Variants in FLNB observed in about 807,000 individuals in gnomAD.
FLNB encodes filamin B, also known as filamin-B.
A neutral mutation model predicts 250.6 loss-of-function variants in FLNB; 111 were observed. The ratio of observed to expected loss-of-function variants is 0.44; its 90% CI spans 0.38 to 0.52. FLNB has a LOEUF of 0.52. FLNB is among the 20% of genes least tolerant of loss of function. FLNB has a pLI of 0.00. For synonymous variants in FLNB, 1,302 were observed against 1,372.1 expected, an observed-to-expected ratio of 0.95 and a Z score of 1.13; for missense variants, 2,869 against 3,447.8, an observed-to-expected ratio of 0.83 and a Z score of 4.20.
intron 4 of FLNB, among the ~76,000 whole-genome samples, chr3:58,084,564 AT>A (rs11440460): frequency 6.7e-6 from 1 of 150,292 alleles, no homozygotes. Flanking sequence ...TTAAAAAAAA[AT>A]TTTTTTTTAT....
intron 38 of FLNB, chr3:58,152,705 CAG>C (rs761098655): frequency 1.5e-6 from 2 of 1,302,804 alleles, no homozygotes; most frequent in Admixed American, 2.0e-5. Flanking sequence ...TTTCTGTCCT[CAG>C]GGGTCAGAGT....
intron 1 of FLNB, among the ~76,000 whole-genome samples, chr3:58,020,048 GGTGTGTGTGTGTGTGTGT>G (rs373280518): frequency 5.8e-4 from 80 of 136,992 alleles, no homozygotes; most frequent in African/African-American, 1.6e-3. Context: ...ACACCACAGG[GGTGTGTGTGTGTGTGTGT>G]GTGTGTGTGT....
At chr3:58,136,627 C>G (rs900723494) in intron 28 of FLNB, among the ~76,000 whole-genome samples, 1 of 151,910 alleles carries the variant, frequency 6.6e-6, no homozygotes, top group African/African-American at 2.4e-5. Flanking sequence ...CATATGTAAA[C>G]CTCTCAGGAA....
chr3:58,114,036 T>C (rs2097273610), intron 18 of FLNB, among the ~76,000 whole-genome samples: 1 of 152,180 alleles, frequency 6.6e-6, no homozygotes, highest in South Asian at 2.1e-4. Flanking sequence ...CTCCATGTTG[T>C]AGCACGTGTC....
chr3:58,155,029 C>G, intron 40 of FLNB, 101 bp downstream of exon 40: 1 of 1,204,608 alleles, frequency 8.3e-7, no homozygotes, highest in Non-Finnish European at 1.2e-6. Context: ...AATGAGGAAT[C>G]TATGTGTATG....
chr3:58,071,963 C>T (rs1046032062), intron 1 of FLNB, among the ~76,000 whole-genome samples: 2 of 150,838 alleles, frequency 1.3e-5, no homozygotes, highest in African/African-American at 4.9e-5. Context: ...AGCCGGTTTC[C>T]ACCCCCGTGA....
At chr3:58,067,746 A>G (rs1314223895) in intron 1 of FLNB, among the ~76,000 whole-genome samples, 18 of 151,610 alleles carry the variant, frequency 1.2e-4, no homozygotes, top group East Asian at 1.9e-4. Flanking sequence ...ACAGGCGCCC[A>G]CCATCACGCC....
Position 58,110,069 on chromosome 3 carries a change from G to T in FLNB, c.2383G>T (p.Val795Leu), listed in dbSNP as rs145413791. 1 of 1,614,118 alleles carries T rather than the reference G, an allele frequency of 6.2e-7. No individual in the cohort carries two copies. Among genetic ancestry groups the T allele is most frequent in the Non-Finnish European group, 8.5e-7 (1 of 1,179,998 alleles). The change falls in exon 16 of 46, where the codon GTG (valine) becomes TTG (leucine). Residue 795 changes from valine (V) to leucine (L), a missense_variant. By Grantham distance (32) the Val-to-Leu change is conservative. Coordinates refer to ENST00000295956, the MANE Select transcript of FLNB (RefSeq NM_001457.4). Reference protein sequence around the residue: ...ARVLSEDEEDVDFDIIHNAND... With the variant: ...ARVLSEDEEDLDFDIIHNAND... ...GGTGTTAAGTGAAGATGAGGAAGAC[G>T]TGGATTTTGACATTATTCACAATGC...
Position 58,037,572 on chromosome 3 carries a change from C to T in FLNB, c.292+28716C>T, listed in dbSNP as rs1044881787. ...GATGATTTCCCTCGTGAAGTCCTCT[C>T]GAAAGCCCCCAGGTAGAATTATTCA... On this transcript the variant is annotated intron_variant, in intron 1 of 45. Coordinates refer to ENST00000295956, the MANE Select transcript of FLNB (RefSeq NM_001457.4). Among the ~76,000 whole-genome samples, 10 of 152,268 alleles carry T rather than the reference C, an allele frequency of 6.6e-5. No homozygotes were observed. In the East Asian group the frequency reaches 7.7e-4, roughly 12 times the overall value.
In FLNB at chr3:58,098,729, T is replaced by C. The variant is rs775659462; in HGVS notation, c.1166T>C (p.Ile389Thr). 1.2e-6 allele frequency: 2 copies of C among 1,613,986 alleles called. No homozygotes were observed. The highest frequency in any genetic ancestry group is 2.7e-5 in the African/African-American group (2 of 74,992). The stretch of plus-strand genomic sequence containing the variant: ...CTTGTAGGAGCTGGTGTGGGTGACA[T>C]TGGTGTGGAGGTGGAAGATCCCCAG... ...IYTAGAGVGD[I>T]GVEVEDPQGK... The change falls in exon 8 of 46, where the codon ATT becomes ACT. Residue 389 changes from isoleucine to threonine, a missense_variant. By Grantham distance (89) the Ile-to-Thr change is moderately conservative (BLOSUM62 -1). Around this residue, in one of 5 missense-constraint regions of FLNB, gnomAD observed 1,348 missense variants for 1,466.7 expected, o/e 0.92. Transcript: ENST00000295956.
At position 58,135,964 on chromosome 3, in the gene FLNB, C is replaced by G. The variant is rs1403767513; in HGVS notation, c.4672-15C>G. The G allele has an allele frequency of 6.2e-7, 1 of 1,613,414 alleles. No individual in the cohort carries two copies. The highest frequency in any genetic ancestry group is 8.5e-7 in the Non-Finnish European group (1 of 1,179,550). On this transcript the variant is annotated splice_polypyrimidine_tract_variant and intron_variant, in intron 27 of 45. Coordinates refer to ENST00000295956, the MANE Select transcript of FLNB (RefSeq NM_001457.4). ...CTTGACAACATCCTAAATAGCATTT[C>G]TCTATGATCCACAGGACCAAGAAGG...
At chr3:58,134,274 T>G (rs1475331768) in intron 26 of FLNB, among the ~76,000 whole-genome samples, 1 of 152,050 alleles carries the variant, frequency 6.6e-6, no homozygotes, top group African/African-American at 2.4e-5. Flanking sequence ...ACACTCCTTG[T>G]GAGAATCTAA....
intron 29 of FLNB, among the ~76,000 whole-genome samples, chr3:58,139,114 A>T (rs947333621): frequency 3.3e-5 from 5 of 152,318 alleles, no homozygotes; most frequent in African/African-American, 1.2e-4. Context: ...TGAATGACCA[A>T]GGTCTTTCAT....
intron 1 of FLNB, among the ~76,000 whole-genome samples, chr3:58,058,939 T>C (rs1054557001): frequency 1.3e-5 from 2 of 152,214 alleles, no homozygotes; most frequent in African/African-American, 4.8e-5. Flanking sequence ...TTACCCAAAC[T>C]ATCTTCTGGA....
At position 58,112,188 on chromosome 3, in the gene FLNB, C is replaced by T; in HGVS notation, c.2615C>T (p.Thr872Ile). The change falls in exon 18 of 46, where the codon ACC (threonine) becomes ATC (isoleucine). Residue 872 changes from threonine (T) to isoleucine (I), a missense_variant. By Grantham distance (89) the Thr-to-Ile change is moderately conservative. This residue lies in a region of FLNB where 1,348 missense variants were observed against 1,466.7 expected (regional missense o/e 0.92). Transcript: ENST00000295956. The stretch of plus-strand genomic sequence containing the variant: ...AAACCGACCCACTTCACTGTCTACA[C>T]CAAGGGGGCTGGGAAAGCCCCGCTC... ...NGKPTHFTVY[T>I]KGAGKAPLNV... 6.2e-7 allele frequency: 1 copy of T among 1,614,192 alleles called. No individual in the cohort carries two copies. Among genetic ancestry groups the T allele is most frequent in the South Asian group, 1.1e-5 (1 of 91,086 alleles).
rs369062172 is a variant in FLNB at position 58,022,478 on chromosome 3, G to C, written c.292+13622G>C. On this transcript the variant is annotated intron_variant, in intron 1 of 45. Coordinates refer to ENST00000295956, the MANE Select transcript of FLNB (RefSeq NM_001457.4). ...GCTTCAACAACTGTTAGAGAACAAG[G>C]CCTTTTCCAGGTGAAGCTCAGAAAA... 6.6e-5 allele frequency among the ~76,000 whole-genome samples: 10 copies of C among 152,298 alleles called. No individual in the cohort carries two copies. In the East Asian group the frequency reaches 1.4e-3, roughly 21 times the overall value.
chr3:58,140,064 A>C (rs1415602330), intron 29 of FLNB, among the ~76,000 whole-genome samples: 1 of 152,152 alleles, frequency 6.6e-6, no homozygotes, highest in Non-Finnish European at 1.5e-5. Context: ...CACCTACAGT[A>C]CCTGGTTTGG....
chr3:58,150,234 G>C lies in FLNB; in HGVS notation c.6367+7G>C, dbSNP rs201871482. 64 of 1,614,048 alleles carry C rather than the reference G, an allele frequency of 4.0e-5. No homozygotes were observed. The highest frequency in any genetic ancestry group is 1.6e-4 in the Middle Eastern group (1 of 6,080). ...CTGAACCTGAAAATCCCAGGTGGGC[G>C]TCGGGGACTAGTAGGGTGGGGAAGC... On this transcript the variant is annotated splice_region_variant and intron_variant, in intron 38 of 45. Transcript: ENST00000295956.
chr3:58,032,090 G>C (rs1360803066), intron 1 of FLNB, among the ~76,000 whole-genome samples: 4 of 151,738 alleles, frequency 2.6e-5, no homozygotes, highest in Non-Finnish European at 5.9e-5. Flanking sequence ...CACCACACCT[G>C]ACTAATTTTT....
Sources: gnomAD v4.1 joint callset for allele counts (sites outside exome capture counted in the v4.1 genomes callset) on GRCh38, gnomAD v4.1.1 for gene constraint, gnomAD v4.1.1 regional missense constraint, MANE v1.5 for transcripts, NCBI Gene and HGNC (gene_info 2026-07-23, HGNC 2026-07-21) for gene names.